The following LRP1B variants were observed in gnomAD, a reference collection of about 807,000 sequenced individuals.
LRP1B encodes the protein LDL receptor related protein 1B.
LRP1B carries 217 observed loss-of-function variants against 556.6 expected under a neutral mutation model. The ratio of observed to expected loss-of-function variants is 0.39; its 90% CI spans 0.35 to 0.44. The LOEUF is 0.44. Among genes scored for constraint, LRP1B ranks in the 20% least tolerant of loss-of-function variants. LRP1B has a pLI of 1.00. For missense variants in LRP1B, 5,053 were observed against 5,620.8 expected (o/e 0.90, Z 3.23); for synonymous variants, 2,047 against 1,865.8 (o/e 1.10, Z -2.50).
At chr2:141,225,249 A>G (rs1396380810) in intron 6 of LRP1B, among the ~76,000 whole-genome samples, 1 of 152,164 alleles carries the variant, frequency 6.6e-6, no homozygotes, top group African/African-American at 2.4e-5. Context: ...AATCCATGTT[A>G]AAATCTTAAA....
intron 1 of LRP1B, among the ~76,000 whole-genome samples, chr2:141,890,567 A>G (rs1699261245): frequency 6.6e-6 from 1 of 151,864 alleles, no homozygotes; most frequent in Non-Finnish European, 1.5e-5. Context: ...TGCATGAACC[A>G]TACAATTGTC....
intron 43 of LRP1B, among the ~76,000 whole-genome samples, chr2:140,568,965 C>T (rs1031501769): frequency 1.2e-4 from 18 of 151,978 alleles, no homozygotes; most frequent in African/African-American, 3.9e-4. Flanking sequence ...TATCACCAGA[C>T]CAACCTTACA....
chr2:140,557,885 T>C (rs569678231), intron 43 of LRP1B, among the ~76,000 whole-genome samples: 1 of 152,310 alleles, frequency 6.6e-6, no homozygotes, highest in Non-Finnish European at 1.5e-5. Flanking sequence ...TTATGGCTTA[T>C]TATCTGTCTT....
intron 22 of LRP1B, among the ~76,000 whole-genome samples, chr2:140,904,713 A>T (rs905476334): frequency 3.9e-5 from 6 of 152,138 alleles, no homozygotes; most frequent in Non-Finnish European, 7.4e-5. Context: ...GTTCCTCCAA[A>T]TATGTTTGTT....
intron 43 of LRP1B, among the ~76,000 whole-genome samples, chr2:140,564,669 C>T (rs939917079): frequency 6.6e-6 from 1 of 152,022 alleles, no homozygotes; most frequent in Non-Finnish European, 1.5e-5. Flanking sequence ...TTATTCCAGT[C>T]ATCAATGGCT....
intron 2 of LRP1B, among the ~76,000 whole-genome samples, chr2:141,624,831 G>A (rs1014931947): frequency 1.3e-5 from 2 of 152,108 alleles, no homozygotes; most frequent in South Asian, 2.1e-4. Context: ...GTGCAGTGGC[G>A]CGATCTCGGC....
chr2:140,342,347 G>A (rs1445145154), intron 77 of LRP1B, among the ~76,000 whole-genome samples: 2 of 151,216 alleles, frequency 1.3e-5, no homozygotes, highest in Non-Finnish European at 3.0e-5. Context: ...AATTATGCAT[G>A]ACATACTATA....
rs184939188 is a variant in LRP1B at position 141,323,447 on chromosome 2, C to T, written c.344-68806G>A. Among the ~76,000 whole-genome samples the T allele has an allele frequency of 6.6e-5, 10 of 152,218 alleles. No individual in the cohort carries two copies. The East Asian group carries it at 1.9e-3, about 29-fold the overall frequency. On this transcript the variant is annotated intron_variant, in intron 3 of 90. Transcript: ENST00000389484. The stretch of plus-strand genomic sequence containing the variant: ...TCAAAAATATATAAAATATCAAACA[C>T]AATCCTTAAATTTGAACCCAAATTC...
chr2:140,662,385 T>A (rs550977), intron 41 of LRP1B, among the ~76,000 whole-genome samples: 11,510 of 152,116 alleles, frequency 0.076, 673 homozygotes, highest in East Asian at 0.24. Context: ...ACATAGCTGG[T>A]ATTAACACAG....
intron 6 of LRP1B, among the ~76,000 whole-genome samples, chr2:141,225,275 T>G (rs116403475): frequency 6.6e-6 from 1 of 152,260 alleles, no homozygotes; most frequent in East Asian, 1.9e-4. Context: ...TCCTTGAGTT[T>G]TTCAGAGTAT....
At chr2:141,869,253 T>C (rs1574447541) in intron 1 of LRP1B, among the ~76,000 whole-genome samples, 1 of 152,034 alleles carries the variant, frequency 6.6e-6, no homozygotes, top group East Asian at 1.9e-4. Flanking sequence ...GTTACTGCAA[T>C]GAAAAAATAT....
intron 2 of LRP1B, among the ~76,000 whole-genome samples, chr2:141,696,877 G>A (rs1003211714): frequency 6.6e-6 from 1 of 151,896 alleles, no homozygotes; most frequent in Non-Finnish European, 1.5e-5. Context: ...ACCTGGCAAT[G>A]AGCAATAGTC....
intron 53 of LRP1B, 50 bp from the exon 54 acceptor site, chr2:140,503,153 T>C: frequency 1.9e-6 from 3 of 1,540,796 alleles, no homozygotes; most frequent in Non-Finnish European, 2.7e-6. Context: ...AAATACTAAT[T>C]GAAACGTCAT....
chr2:141,073,861 CTCTT>C (rs1210364524), intron 7 of LRP1B, among the ~76,000 whole-genome samples: 4 of 152,118 alleles, frequency 2.6e-5, no homozygotes, highest in Admixed American at 2.6e-4. Context: ...GTATATTTAT[CTCTT>C]TCTCTGCTCC....
intron 43 of LRP1B, among the ~76,000 whole-genome samples, chr2:140,545,410 T>C (rs1036716570): frequency 6.6e-6 from 1 of 152,154 alleles, no homozygotes; most frequent in Admixed American, 6.6e-5. Flanking sequence ...AGGGTTTTTA[T>C]AGTTTTGAGT....
intron 33 of LRP1B, among the ~76,000 whole-genome samples, chr2:140,772,701 G>T (rs1395161948): frequency 6.6e-6 from 1 of 152,122 alleles, no homozygotes; most frequent in African/African-American, 2.4e-5. Context: ...TTAGAGAGTT[G>T]TATTGAGATG....
At chr2:142,092,204 T>C (rs1191713037) in intron 1 of LRP1B, among the ~76,000 whole-genome samples, 1 of 152,212 alleles carries the variant, frequency 6.6e-6, no homozygotes, top group East Asian at 1.9e-4. Context: ...TATCTAATAT[T>C]TGGGTTTCTT....
intron 2 of LRP1B, among the ~76,000 whole-genome samples, chr2:141,719,924 A>T (rs1692754988): frequency 6.6e-6 from 1 of 152,128 alleles, no homozygotes; most frequent in Non-Finnish European, 1.5e-5. Context: ...GATGGGATCA[A>T]TCATACCCCA....
At chr2:140,383,120 T>G (rs1683601737) in intron 67 of LRP1B, among the ~76,000 whole-genome samples, 1 of 152,186 alleles carries the variant, frequency 6.6e-6, no homozygotes, top group Non-Finnish European at 1.5e-5. Context: ...ATCCCCACTG[T>G]TAAGCAACAC....
Sources: allele counts gnomAD v4.1 joint callset (sites outside exome capture counted in the v4.1 genomes callset), GRCh38; gene constraint gnomAD v4.1.1; transcripts MANE v1.5; gene names NCBI Gene and HGNC (gene_info 2026-07-23, HGNC 2026-07-21).